CSMD1: variants seen among roughly 807,000 people sequenced by gnomAD.
The protein encoded by CSMD1 is CUB and Sushi multiple domains 1, also known as CUB and sushi domain-containing protein 1.
Under a neutral mutation model 417.5 loss-of-function variants are expected in CSMD1, and 213 were observed. The observed-to-expected ratio is 0.51, with a 90% CI of 0.46 to 0.57. CSMD1 has a LOEUF of 0.57. Ranked by LOEUF, CSMD1 falls within the 20% of genes least tolerant of loss-of-function variation. The pLI is 0.00. For missense variants in CSMD1, 6,923 were observed against 4,529.7 expected, an observed-to-expected ratio of 1.53 and a Z score of -15.17; for synonymous variants, 2,862 against 1,736.8, an observed-to-expected ratio of 1.65 and a Z score of -16.11.
chr8:4,495,183 C>A (rs962387068), intron 2 of CSMD1, among the ~76,000 whole-genome samples: 1 of 152,092 alleles, frequency 6.6e-6, no homozygotes, highest in Admixed American at 6.6e-5. Context: ...TAGCATTACC[C>A]AGAATTTCAT....
intron 5 of CSMD1, among the ~76,000 whole-genome samples, chr8:3,915,858 C>G (rs115428291): frequency 0.021 from 3,088 of 148,500 alleles, 98 homozygotes; most frequent in African/African-American, 0.072. Context: ...CAACTAGAAA[C>G]TTTTCAATTG....
At chr8:2,959,982 A>G (rs2128924566) in intron 62 of CSMD1, among the ~76,000 whole-genome samples, 1 of 152,330 alleles carries the variant, frequency 6.6e-6, no homozygotes, top group Non-Finnish European at 1.5e-5. Flanking sequence ...GGATTTATCC[A>G]ACCCTATTAG....
intron 5 of CSMD1, among the ~76,000 whole-genome samples, chr8:3,971,096 T>C (rs545557752): frequency 4.8e-4 from 73 of 152,284 alleles, no homozygotes; most frequent in African/African-American, 1.6e-3. Context: ...TCTGATGACA[T>C]AGAACCATGT....
At chr8:4,607,535 G>A (rs955762752) in intron 2 of CSMD1, among the ~76,000 whole-genome samples, 3 of 152,134 alleles carry the variant, frequency 2.0e-5, no homozygotes, top group African/African-American at 7.2e-5. Flanking sequence ...ACATGGTGCT[G>A]AATTTGACCT....
intron 19 of CSMD1, among the ~76,000 whole-genome samples, chr8:3,368,225 C>T (rs1585062148): frequency 6.6e-6 from 1 of 152,152 alleles, no homozygotes; most frequent in South Asian, 2.1e-4. Context: ...CAGCATAGTG[C>T]CACACAGTAC....
intron 5 of CSMD1, among the ~76,000 whole-genome samples, chr8:3,983,299 T>A (rs1050433276): frequency 4.0e-5 from 6 of 151,556 alleles, no homozygotes; most frequent in East Asian, 1.9e-4. Context: ...CCCGGCTAAT[T>A]TTTTGTATTT....
chr8:4,008,007 T>C (rs997814726), intron 4 of CSMD1, among the ~76,000 whole-genome samples: 46 of 152,198 alleles, frequency 3.0e-4, no homozygotes, highest in South Asian at 6.2e-4. Flanking sequence ...TAGCAATCCA[T>C]AAGAGGTTTA....
At chr8:3,606,932 G>T (rs777674565) in intron 8 of CSMD1, among the ~76,000 whole-genome samples, 1 of 151,902 alleles carries the variant, frequency 6.6e-6, no homozygotes, top group Non-Finnish European at 1.5e-5. Flanking sequence ...GGATGGTCTC[G>T]ATCTCTTAAT....
At chr8:4,202,231 T>C (rs950952552) in intron 3 of CSMD1, among the ~76,000 whole-genome samples, 4 of 152,206 alleles carry the variant, frequency 2.6e-5, no homozygotes, top group African/African-American at 9.6e-5. Context: ...TTTGATGAAT[T>C]ATGCCTTATC....
At chr8:3,203,692 G>A (rs1040000389) in intron 31 of CSMD1, among the ~76,000 whole-genome samples, 2 of 151,516 alleles carry the variant, frequency 1.3e-5, no homozygotes, top group African/African-American at 2.4e-5. Flanking sequence ...CAAACACTTT[G>A]CTCCATAAAT....
intron 1 of CSMD1, chr8:4,788,023 C>T: frequency 6.3e-7 from 1 of 1,589,048 alleles, no homozygotes; most frequent in Admixed American, 1.7e-5. Context: ...AAAGAAGTAA[C>T]TCCTGAAGGG....
At chr8:4,042,380 A>G (rs1255504982) in intron 3 of CSMD1, among the ~76,000 whole-genome samples, 2 of 152,182 alleles carry the variant, frequency 1.3e-5, no homozygotes, top group Non-Finnish European at 2.9e-5. Context: ...GGAGAGATTC[A>G]GCAACTTATA....
chr8:3,526,538 G>C (rs1423196855), intron 10 of CSMD1, among the ~76,000 whole-genome samples: 1 of 152,162 alleles, frequency 6.6e-6, no homozygotes, highest in Non-Finnish European at 1.5e-5. Flanking sequence ...TCCCAGGAAT[G>C]GGAACGGCCC....
Position 3,360,327 on chromosome 8 carries a change from G to A in CSMD1, c.3116-987C>T, listed in dbSNP as rs115359211. On this transcript the variant is annotated intron_variant, in intron 20 of 69. Coordinates refer to ENST00000635120, the MANE Select transcript of CSMD1 (RefSeq NM_033225.6). ...GTCAGCACTGATATCTCACTTCTGT[G>A]TTTGCCACGTTCTTTACAGCCAACT... 7.6e-3 allele frequency among the ~76,000 whole-genome samples: 1,157 copies of A among 152,318 alleles called. 16 individuals carry two copies. Among genetic ancestry groups the A allele is most frequent in the African/African-American group, 0.026 (1,093 of 41,568 alleles).
intron 3 of CSMD1, among the ~76,000 whole-genome samples, chr8:4,228,754 G>C (rs1801520163): frequency 6.6e-6 from 1 of 152,082 alleles, no homozygotes; most frequent in Admixed American, 6.5e-5. Context: ...TGGGATCTTA[G>C]CTCAATGCAA....
chr8:4,287,255 C>G (rs943479422), intron 3 of CSMD1, among the ~76,000 whole-genome samples: 2 of 152,148 alleles, frequency 1.3e-5, no homozygotes, highest in East Asian at 3.9e-4. Context: ...AAGATTCCCC[C>G]TCACATTCCT....
intron 7 of CSMD1, among the ~76,000 whole-genome samples, chr8:3,631,511 AG>A (rs1796783126): frequency 6.6e-6 from 1 of 152,214 alleles, no homozygotes; most frequent in South Asian, 2.1e-4. Flanking sequence ...GGAATAGCTT[AG>A]GGGATTCCAG....
At chr8:4,941,386 G>C (rs1207509749) in intron 1 of CSMD1, among the ~76,000 whole-genome samples, 1 of 152,092 alleles carries the variant, frequency 6.6e-6, no homozygotes. Flanking sequence ...ATTATCTTTT[G>C]ATGGTCTAAG....
intron 26 of CSMD1, among the ~76,000 whole-genome samples, chr8:3,238,118 C>T (rs536710800): frequency 2.6e-5 from 4 of 151,074 alleles, no homozygotes; most frequent in East Asian, 2.0e-4. Flanking sequence ...CGGGTGGGGC[C>T]GTTTTATAAG....
Sources: gnomAD v4.1 joint callset for allele counts (sites outside exome capture counted in the v4.1 genomes callset) on GRCh38, gnomAD v4.1.1 for gene constraint, MANE v1.5 for transcripts, NCBI Gene and HGNC (gene_info 2026-07-23, HGNC 2026-07-21) for gene names.